Variants in LIPA observed in about 807,000 individuals in gnomAD.
LIPA encodes the protein lipase A, lysosomal acid type.
In LIPA, 26 loss-of-function variants were observed where a neutral mutation model predicts 40.6. The ratio of observed to expected loss-of-function variants is 0.64; its 90% CI spans 0.47 to 0.89. The LOEUF is 0.89. Ranked by LOEUF, LIPA falls within the 40% of genes least tolerant of loss-of-function variation. The pLI, the probability that LIPA is intolerant of heterozygous loss-of-function variation, is 0.00. For missense variants in LIPA, 455 were observed against 479.6 expected (o/e 0.95, Z 0.48); for synonymous variants, 188 against 168.4 (o/e 1.12, Z -0.90).
intron 2 of LIPA, chr10:89,384,558 G>A (rs1439122040): frequency 6.2e-7 from 1 of 1,613,970 alleles, no homozygotes; most frequent in Non-Finnish European, 8.5e-7. Context: ...CCCATTCCAG[G>A]GAAAAACTTC....
intron 2 of LIPA, among the ~76,000 whole-genome samples, chr10:89,352,023 C>T (rs4378299): frequency 0.034 from 5,212 of 152,288 alleles, 146 homozygotes; most frequent in African/African-American, 0.072. Flanking sequence ...TGCCCGGCCA[C>T]GATGGAATGT....
intron 2 of LIPA, chr10:89,403,548 T>C (rs1293431059): frequency 1.2e-6 from 2 of 1,614,048 alleles, no homozygotes; most frequent in Non-Finnish European, 1.7e-6. Context: ...TTTGAAGAAA[T>C]TGGTTTTAAG....
rs1307709715 is a variant in LIPA, at chr10:89,228,259, A to G, written c.369T>C (p.Asn123=). The change falls in exon 4 of 10, where the codon AAT becomes AAC. Residue 123 remains asparagine (N), a synonymous_variant. Transcript: ENST00000336233. The part of the protein sequence containing the change: ...FDVWMGNSRG[N]TWSRKHKTLS... ...GTGTCTTATGTTTCCGAGACCAGGTATTTCCTCTGCTGTTGCCCATCCACA... is the reference window on the plus strand; with the variant it reads ...GTGTCTTATGTTTCCGAGACCAGGTGTTTCCTCTGCTGTTGCCCATCCACA... 6.2e-7 allele frequency: 1 copy of G among 1,614,176 alleles called. No homozygotes were observed. Among genetic ancestry groups the G allele is most frequent in the Non-Finnish European group, 8.5e-7 (1 of 1,180,024 alleles).
At chr10:89,262,719 G>C (rs2133487383) in intron 1 of LIPA, among the ~76,000 whole-genome samples, 1 of 152,144 alleles carries the variant, frequency 6.6e-6, no homozygotes, top group South Asian at 2.1e-4. Flanking sequence ...CAGATCGCAG[G>C]GTGACTCACA....
intron 2 of LIPA, among the ~76,000 whole-genome samples, chr10:89,378,844 C>A (rs541828801): frequency 6.6e-6 from 1 of 152,148 alleles, no homozygotes; most frequent in Non-Finnish European, 1.5e-5. Context: ...AGGAAATAAA[C>A]GAGAAAGCAA....
At chr10:89,329,158 A>G (rs1173579993) in intron 1 of LIPA, among the ~76,000 whole-genome samples, 1 of 152,186 alleles carries the variant, frequency 6.6e-6, no homozygotes, top group African/African-American at 2.4e-5. Flanking sequence ...GGAAGACCCC[A>G]TCGACCATTC....
chr10:89,403,023 C>G lies in LIPA; in HGVS notation c.61+9768G>C, dbSNP rs143282408. ...AGAAGCTCTAGCCAACATGTCCTCA[C>G]AGACCTATGTCTTTCGATATGCAGC... On this transcript the variant is annotated intron_variant, in intron 2 of 8. Coordinates refer to the LIPA transcript ENST00000371837. 2.5e-6 allele frequency: 4 copies of G among 1,614,242 alleles called. No individual in the cohort carries two copies. Among genetic ancestry groups the G allele is most frequent in the Non-Finnish European group, 3.4e-6 (4 of 1,180,042 alleles).
chr10:89,299,752 T>TA (rs529475314), intron 1 of LIPA, among the ~76,000 whole-genome samples: 57 of 147,634 alleles, frequency 3.9e-4, no homozygotes, highest in African/African-American at 4.5e-4. Context: ...TGGCTATTAT[T>TA]AAAAAAAAAA....
At chr10:89,249,732 A>C (rs1843088157) in intron 1 of LIPA, among the ~76,000 whole-genome samples, 1 of 152,210 alleles carries the variant, frequency 6.6e-6, no homozygotes, top group South Asian at 2.1e-4. Context: ...TCCTGGAGAG[A>C]AGGGGCAGTA....
rs1335446955 is a variant in LIPA at position 89,213,694 on chromosome 10, A to C, written c.*1134T>G. ...ATTGTACTGTTAGTGCAGCTAAAGT[A>C]ATTATATCAGAAAAACATATCAATT... On this transcript the variant is annotated 3_prime_UTR_variant, in exon 10 of 10. Coordinates refer to ENST00000336233, the MANE Select transcript of LIPA (RefSeq NM_000235.4). 6.6e-6 allele frequency: 1 copy of C among 152,280 alleles called. No homozygotes were observed. Among genetic ancestry groups the C allele is most frequent in the Non-Finnish European group, 1.5e-5 (1 of 68,054 alleles). The allele number at this position is 152,280 out of a possible 1,614,324, so 9.4% of individuals were successfully genotyped here. A position where few individuals can be genotyped will look rare whatever the true frequency, so the allele number is the denominator to read the frequency against.
chr10:89,330,908 A>G (rs940853799), intron 1 of LIPA, among the ~76,000 whole-genome samples: 2 of 152,236 alleles, frequency 1.3e-5, no homozygotes, highest in African/African-American at 4.8e-5. Context: ...CAGGTTTCTA[A>G]GCTCACATCA....
chr10:89,215,779 G>C (rs1350484988), intron 9 of LIPA, among the ~76,000 whole-genome samples, 159 bp downstream of exon 9: 2 of 152,196 alleles, frequency 1.3e-5, no homozygotes, highest in Non-Finnish European at 2.9e-5. Flanking sequence ...CAGCTACAAA[G>C]CTTGGATTGT....
chr10:89,406,046 T>C (rs1844525762), intron 2 of LIPA: 1 of 152,258 alleles, frequency 6.6e-6, no homozygotes, highest in African/African-American at 2.4e-5. Context: ...ACAGAGATTA[T>C]GGCACATCTC....
At chr10:89,283,777 C>T (rs549905326) in intron 1 of LIPA, 10 of 152,372 alleles carry the variant, frequency 6.6e-5, no homozygotes, top group African/African-American at 2.4e-4. Flanking sequence ...ATCAGCAGCA[C>T]AGTGCTTCCT....
intron 1 of LIPA, among the ~76,000 whole-genome samples, chr10:89,319,983 T>G (rs1843562540): frequency 6.6e-6 from 1 of 152,170 alleles, no homozygotes; most frequent in African/African-American, 2.4e-5. Context: ...ATTATCTCAA[T>G]AGATGCAGAA....
Position 89,296,475 on chromosome 10 carries a change from G to C in LIPA, c.-2+46136C>G, listed in dbSNP as rs1291625360. The stretch of plus-strand genomic sequence containing the variant: ...CCACTGTAGTCTAGCTTTGGCAACA[G>C]AGCGAGACTGTCTCAAAAAAAAAAA... On this transcript the variant is annotated intron_variant, in intron 1 of 5. Coordinates refer to the LIPA transcript ENST00000282673. 3.1e-5 allele frequency among the ~76,000 whole-genome samples: 4 copies of C among 129,856 alleles called. No homozygotes were observed. The Admixed American group carries it at 3.3e-4, about 11-fold the overall frequency. 85.2% of individuals were successfully genotyped at this position (129,856 alleles called of 152,430 possible).
chr10:89,321,153 C>T (rs1235203989), intron 1 of LIPA, among the ~76,000 whole-genome samples: 1 of 151,862 alleles, frequency 6.6e-6, no homozygotes, highest in Non-Finnish European at 1.5e-5. Context: ...AGGACATAGG[C>T]ATGGGCAAGG....
intron 5 of LIPA, among the ~76,000 whole-genome samples, chr10:89,226,298 C>A (rs2133431881): frequency 6.6e-6 from 1 of 152,262 alleles, no homozygotes; most frequent in South Asian, 2.1e-4. Context: ...GATGGGAACA[C>A]TAAGGTGTTA....
At chr10:89,296,393 G>A (rs1284381223) in intron 1 of LIPA, among the ~76,000 whole-genome samples, 1 of 151,000 alleles carries the variant, frequency 6.6e-6, no homozygotes, top group African/African-American at 2.4e-5. Context: ...TTGGGAGGGT[G>A]AGGCACGAGA....
Sources: allele counts gnomAD v4.1 joint callset (sites outside exome capture counted in the v4.1 genomes callset), GRCh38; gene constraint gnomAD v4.1.1; transcripts MANE v1.5; gene names NCBI Gene and HGNC (gene_info 2026-07-23, HGNC 2026-07-21).